The following AKAP7 variants were observed in gnomAD, a reference collection of about 807,000 sequenced individuals.
AKAP7 encodes the protein A kinase (PRKA) anchor protein 7.
In AKAP7, 39 loss-of-function variants were observed where a neutral mutation model predicts 39.5. The observed-to-expected ratio is 0.99, with a 90% CI of 0.76 to 1.29. AKAP7 has a LOEUF of 1.29. Among genes scored for constraint, AKAP7 ranks in the 50% most tolerant of loss-of-function variants. The pLI, the probability that AKAP7 is intolerant of heterozygous loss-of-function variation, is 0.00. For missense variants in AKAP7, 414 were observed against 407.7 expected, an observed-to-expected ratio of 1.02 and a Z score of -0.13; for synonymous variants, 140 against 139.1, an observed-to-expected ratio of 1.01 and a Z score of -0.05.
chr6:131,135,594 C>A lies in AKAP7; in HGVS notation c.-170C>A, dbSNP rs1310156276. Reference sequence around the variant, plus strand: ...CGCGCTTCCGCAGGCCTGGCCTCCGCCGCCCGGGCCCCCGCAGCCTGTCGC... The same window carrying A: ...CGCGCTTCCGCAGGCCTGGCCTCCGACGCCCGGGCCCCCGCAGCCTGTCGC... On this transcript the variant is annotated 5_prime_UTR_variant, in exon 1 of 8. Coordinates refer to ENST00000431975, the MANE Select transcript of AKAP7 (RefSeq NM_016377.4). 2.1e-6 allele frequency: 1 copy of A among 484,936 alleles called. No individual in the cohort carries two copies. Among genetic ancestry groups the A allele is most frequent in the Non-Finnish European group, 2.7e-6 (1 of 371,934 alleles). 30.0% of individuals were successfully genotyped at this position (484,936 alleles called of 1,614,324 possible). A position where few individuals can be genotyped will look rare whatever the true frequency, so the allele number is the denominator to read the frequency against.
intron 7 of AKAP7, among the ~76,000 whole-genome samples, chr6:131,274,448 A>C (rs1485674115): frequency 6.6e-6 from 1 of 151,952 alleles, no homozygotes; most frequent in African/African-American, 2.4e-5. Context: ...TCACTTTCCT[A>C]CTGCATCTAC....
At chr6:131,185,963 T>C (rs1805809523) in intron 5 of AKAP7, among the ~76,000 whole-genome samples, 1 of 152,202 alleles carries the variant, frequency 6.6e-6, no homozygotes, top group South Asian at 2.1e-4. Context: ...TATGTTTAGA[T>C]CTTTGATCCA....
At chr6:131,209,732 C>T (rs748766530) in intron 6 of AKAP7, among the ~76,000 whole-genome samples, 7 of 151,374 alleles carry the variant, frequency 4.6e-5, no homozygotes, top group African/African-American at 9.8e-5. Flanking sequence ...CTCAGCGAGT[C>T]GTTTTTAGAC....
chr6:131,257,001 T>G (rs1812921669), intron 7 of AKAP7, among the ~76,000 whole-genome samples: 1 of 152,040 alleles, frequency 6.6e-6, no homozygotes, highest in Non-Finnish European at 1.5e-5. Context: ...AAATGGAGGC[T>G]CTAGAGACAA....
intron 5 of AKAP7, among the ~76,000 whole-genome samples, chr6:131,183,996 T>G (rs1171586724): frequency 6.6e-6 from 1 of 152,136 alleles, no homozygotes; most frequent in Non-Finnish European, 1.5e-5. Context: ...CTCCCACTCT[T>G]TCTAGGAGGA....
intron 5 of AKAP7, among the ~76,000 whole-genome samples, chr6:131,169,931 GT>G (rs200107592): frequency 1.5e-4 from 23 of 150,332 alleles, no homozygotes; most frequent in Non-Finnish European, 2.7e-4. Context: ...TTTTATCTGT[GT>G]TTTTTTTTCT....
chr6:131,221,087 A>G (rs1278438189), intron 7 of AKAP7, among the ~76,000 whole-genome samples: 2 of 152,214 alleles, frequency 1.3e-5, no homozygotes, highest in Non-Finnish European at 2.9e-5. Flanking sequence ...GGCTTCTTGT[A>G]CCAGTTAGCC....
intron 5 of AKAP7, among the ~76,000 whole-genome samples, chr6:131,192,281 G>T (rs750218552): frequency 2.6e-5 from 4 of 152,092 alleles, no homozygotes; most frequent in African/African-American, 9.7e-5. Flanking sequence ...TGAGAGATAG[G>T]TGTCTAGTTT....
chr6:131,200,273 T>A (rs1807431065), intron 6 of AKAP7, among the ~76,000 whole-genome samples: 1 of 152,200 alleles, frequency 6.6e-6, no homozygotes, highest in African/African-American at 2.4e-5. Flanking sequence ...TCTAGGTTCA[T>A]GAGCATTTCT....
chr6:131,199,938 G>T, intron 6 of AKAP7: 1 of 242,708 alleles, frequency 4.1e-6, no homozygotes. Flanking sequence ...TTCCTCTGCT[G>T]GCCTGTTACG....
At chr6:131,208,312 G>A (rs916170513) in intron 6 of AKAP7, among the ~76,000 whole-genome samples, 1 of 152,170 alleles carries the variant, frequency 6.6e-6, no homozygotes, top group Admixed American at 6.5e-5. Flanking sequence ...AGGTAAACCT[G>A]CTTAACATTC....
At chr6:131,194,388 G>A (rs1252876947) in intron 5 of AKAP7, among the ~76,000 whole-genome samples, 2 of 152,114 alleles carry the variant, frequency 1.3e-5, no homozygotes, top group African/African-American at 4.8e-5. Flanking sequence ...ACTGTGGGCA[G>A]AGAAGATGCT....
intron 2 of AKAP7, among the ~76,000 whole-genome samples, chr6:131,158,958 A>G (rs1802679600): frequency 6.6e-6 from 1 of 152,114 alleles, no homozygotes; most frequent in South Asian, 2.1e-4. Flanking sequence ...AGATTTAGTA[A>G]TTATTTCTGG....
Position 131,160,045 on chromosome 6 carries a change from CT to C in AKAP7, c.152-8del, listed in dbSNP as rs1562872286. 6.4e-7 allele frequency: 1 copy of C among 1,566,080 alleles called. No individual in the cohort carries two copies. Among genetic ancestry groups the C allele is most frequent in the South Asian group, 1.2e-5 (1 of 82,304 alleles). On this transcript the variant is annotated splice_polypyrimidine_tract_variant and intron_variant, in intron 2 of 7. Transcript: ENST00000431975. Reference sequence around the variant, plus strand: ...TAAATGTATTAGACGTATTGTTTGACTTTTTTCCTCTAGTCACTGATGAACC... The same window carrying C: ...TAAATGTATTAGACGTATTGTTTGACTTTTTCCTCTAGTCACTGATGAACC...
chr6:131,128,072 C>T, the AKAP7 span, among the ~76,000 whole-genome samples: 6 of 152,120 alleles, frequency 3.9e-5, no homozygotes, highest in African/African-American at 1.4e-4. Flanking sequence ...AGTAACTAGC[C>T]TCCTATCAAG....
At chr6:131,180,578 T>C (rs576839493) in intron 5 of AKAP7, among the ~76,000 whole-genome samples, 1 of 152,338 alleles carries the variant, frequency 6.6e-6, no homozygotes, top group South Asian at 2.1e-4. Context: ...AAAATCTTCA[T>C]TGTACCTTTC....
At chr6:131,220,315 A>G (rs575512176) in intron 7 of AKAP7, among the ~76,000 whole-genome samples, 5 of 152,360 alleles carry the variant, frequency 3.3e-5, no homozygotes, top group African/African-American at 9.6e-5. Context: ...ACATAAATGC[A>G]TCTGTCAGAT....
intron 5 of AKAP7, among the ~76,000 whole-genome samples, chr6:131,174,935 T>G (rs1261524688): frequency 2.0e-5 from 2 of 100,184 alleles, no homozygotes; most frequent in African/African-American, 6.6e-5. Context: ...GAATTCCCCA[T>G]GTAACTTTCG....
intron 3 of AKAP7, among the ~76,000 whole-genome samples, chr6:131,163,825 G>A (rs1356016164): frequency 6.6e-6 from 1 of 151,940 alleles, no homozygotes; most frequent in Non-Finnish European, 1.5e-5. Flanking sequence ...TCTTAGGTGA[G>A]CTCAGATATG....
Sources: allele counts gnomAD v4.1 joint callset (sites outside exome capture counted in the v4.1 genomes callset), GRCh38; gene constraint gnomAD v4.1.1; transcripts MANE v1.5; gene names NCBI Gene and HGNC (gene_info 2026-07-23, HGNC 2026-07-21).